Variants in ERICH3 observed in about 807,000 individuals in gnomAD.
ERICH3 encodes the protein glutamate rich 3.
ERICH3 carries 126 observed loss-of-function variants against 131.1 expected under a neutral mutation model. That is an observed-to-expected ratio of 0.96 (90% CI 0.83 to 1.11). The LOEUF (loss-of-function observed/expected upper bound fraction) is 1.11, where lower values mean the gene tolerates loss of function less well. ERICH3 is among the 50% of genes most tolerant of loss of function. ERICH3 has a pLI of 0.00. For synonymous variants in ERICH3, 695 were observed against 644.6 expected (o/e 1.08, Z -1.18); for missense variants, 2,050 against 1,810.7 (o/e 1.13, Z -2.40).
rs1435566523 is a variant in ERICH3, at chr1:74,569,156, G to A, written c.*1302C>T. 1 of 152,134 alleles carries A rather than the reference G, an allele frequency of 6.6e-6. No homozygotes were observed. The highest frequency in any genetic ancestry group is 1.5e-5 in the Non-Finnish European group (1 of 68,012). 9.4% of individuals were successfully genotyped at this position (152,134 alleles called of 1,614,324 possible). ...TTTAGAACAGCGGTTCTCAACCTTG[G>A]CTACAGAGAAGAATCAAGTGAAAAG... is the stretch of plus-strand genomic sequence containing the variant. On this transcript the variant is annotated 3_prime_UTR_variant, in exon 15 of 15. Transcript: ENST00000326665.
Position 74,571,484 on chromosome 1 carries a change from GC to G in ERICH3, c.4225del (p.Ala1409HisfsTer13). 2.5e-6 allele frequency: 4 copies of G among 1,614,026 alleles called. No individual in the cohort carries two copies. Among genetic ancestry groups the G allele is most frequent in the Non-Finnish European group, 3.4e-6 (4 of 1,179,994 alleles). On this transcript the variant is annotated frameshift_variant, in exon 14 of 15. Transcript: ENST00000326665. LOFTEE classifies it high-confidence loss of function. Reference sequence around the variant, plus strand: ...TGCTGGCACTTCCTCCCCACTCCGTGCTAATTCCTCTACCACCACCTTCCCT... The same window carrying G: ...TGCTGGCACTTCCTCCCCACTCCGTGTAATTCCTCTACCACCACCTTCCCT... Reference protein sequence around the residue: ...AAGKVVVEELARSGEEVPAAE... With the variant: ...AAGKVVVEELXRSGEEVPAAE...
chr1:74,638,447 T>A (rs1159490967), intron 5 of ERICH3, among the ~76,000 whole-genome samples: 1 of 152,118 alleles, frequency 6.6e-6, no homozygotes, highest in Non-Finnish European at 1.5e-5. Flanking sequence ...CAACTTAAAG[T>A]TCCACAGAAG....
At chr1:74,573,897 T>C (rs916078935) in intron 13 of ERICH3, among the ~76,000 whole-genome samples, 3 of 151,862 alleles carry the variant, frequency 2.0e-5, no homozygotes, top group Admixed American at 2.0e-4. Flanking sequence ...CAAGCTTCCT[T>C]TCTTAGAAAT....
chr1:74,596,580 CCTGT>C (rs1336482554), intron 11 of ERICH3, among the ~76,000 whole-genome samples: 2 of 152,032 alleles, frequency 1.3e-5, no homozygotes, highest in Non-Finnish European at 2.9e-5. Flanking sequence ...ACTTATTCTT[CCTGT>C]CTAACTGTAA....
intron 11 of ERICH3, chr1:74,592,159 T>A (rs1647638164): frequency 6.6e-6 from 1 of 152,222 alleles, no homozygotes; most frequent in African/African-American, 2.4e-5. Flanking sequence ...ACAGAGCCCC[T>A]GAAGTCTAAT....
intron 4 of ERICH3, among the ~76,000 whole-genome samples, chr1:74,642,192 T>C (rs1040119209): frequency 1.3e-5 from 2 of 152,186 alleles, no homozygotes; most frequent in African/African-American, 4.8e-5. Flanking sequence ...CTTCTGTCAT[T>C]TGAAAACATT....
At chr1:74,615,459 G>C (rs1202744450) in intron 8 of ERICH3, among the ~76,000 whole-genome samples, 2 of 152,098 alleles carry the variant, frequency 1.3e-5, no homozygotes, top group Non-Finnish European at 2.9e-5. Flanking sequence ...TATAATTATA[G>C]TATTTGTACA....
chr1:74,609,431 A>G (rs1442272237), intron 9 of ERICH3, among the ~76,000 whole-genome samples: 2 of 152,104 alleles, frequency 1.3e-5, no homozygotes, highest in East Asian at 1.9e-4. Flanking sequence ...ATTGTTTAAC[A>G]TAACTAAAAG....
At chr1:74,631,949 A>C (rs1259143131) in intron 6 of ERICH3, 21 bp from the exon 7 acceptor site, 1 of 1,593,808 alleles carries the variant, frequency 6.3e-7, no homozygotes, top group African/African-American at 1.3e-5. Context: ...ATTTCATCGC[A>C]TAAGAACCAG....
chr1:74,607,256 G>A (rs1315933519), intron 9 of ERICH3, among the ~76,000 whole-genome samples: 1 of 151,878 alleles, frequency 6.6e-6, no homozygotes, highest in Non-Finnish European at 1.5e-5. Flanking sequence ...CAGAAATATA[G>A]GTGGGTATAT....
Position 74,589,711 on chromosome 1 carries a change from T to C in ERICH3, c.2096A>G (p.Lys699Arg). ...TTCTTCCCAAAGCTTACTCTTATCC[T>C]TTTCCTTTTCTTCTGCAGAAACATG... is the stretch of plus-strand genomic sequence containing the variant. ...GKHVSAEEKE[K>R]DKSKLWEEST... is the part of the protein sequence containing the mutation. Residue 699 changes from lysine (K) to arginine (R), a missense_variant, in exon 12 of 15, where the codon AAG becomes AGG. By Grantham distance (26) the Lys-to-Arg change is conservative. Transcript: ENST00000326665. 3.1e-6 allele frequency: 5 copies of C among 1,614,084 alleles called. No individual in the cohort carries two copies. The highest frequency in any genetic ancestry group is 4.2e-6 in the Non-Finnish European group (5 of 1,179,960).
chr1:74,585,314 T>C (rs1269057054), intron 12 of ERICH3, among the ~76,000 whole-genome samples: 2 of 152,242 alleles, frequency 1.3e-5, no homozygotes, highest in African/African-American at 2.4e-5. Flanking sequence ...CTAGCAATTA[T>C]AATCTTTTAC....
intron 1 of ERICH3, among the ~76,000 whole-genome samples, chr1:74,658,590 ATAT>A (rs4036509): frequency 0.013 from 1,919 of 152,290 alleles, 32 homozygotes; most frequent in African/African-American, 0.043. Context: ...ATTATTGAGC[ATAT>A]TATACAAAGA....
intron 1 of ERICH3, among the ~76,000 whole-genome samples, chr1:74,659,041 C>T (rs573665447): frequency 6.6e-6 from 1 of 152,150 alleles, no homozygotes; most frequent in South Asian, 2.1e-4. Flanking sequence ...GAAAATATAA[C>T]ATGGTTTAGA....
intron 11 of ERICH3, among the ~76,000 whole-genome samples, chr1:74,592,759 A>C (rs1358082228): frequency 6.6e-6 from 1 of 152,138 alleles, no homozygotes; most frequent in African/African-American, 2.4e-5. Flanking sequence ...AACTCATTTC[A>C]GTTTTCAAAT....
At position 74,605,844 on chromosome 1, in the gene ERICH3, C is replaced by G. The variant is rs151231949; in HGVS notation, c.1489+757G>C. On this transcript the variant is annotated intron_variant, in intron 10 of 14. Transcript: ENST00000326665. ...GAAACAGAGATGAAGTGAGCACATG[C>G]TGTTGGAAAAATGATGCTGATAGAC... 3.8e-3 allele frequency among the ~76,000 whole-genome samples: 584 copies of G among 151,908 alleles called. 1 individual carries two copies. The highest frequency in any genetic ancestry group is 0.013 in the African/African-American group (553 of 41,472).
intron 1 of ERICH3, among the ~76,000 whole-genome samples, chr1:74,656,921 C>T (rs1414607450): frequency 1.3e-5 from 2 of 152,164 alleles, no homozygotes; most frequent in Admixed American, 6.6e-5. Context: ...GTAAAATTCT[C>T]TTCTTGTACA....
chr1:74,590,222 T>A, intron 11 of ERICH3, 142 bp from the exon 12 acceptor site: 1 of 757,356 alleles, frequency 1.3e-6, no homozygotes, highest in Non-Finnish European at 2.0e-6. Context: ...CCATATAGTC[T>A]ACTCAGTGGT....
intron 1 of ERICH3, among the ~76,000 whole-genome samples, chr1:74,662,567 A>C (rs1248925194): frequency 6.6e-6 from 1 of 152,204 alleles, no homozygotes; most frequent in Admixed American, 6.5e-5. Flanking sequence ...TTTTGTTAAA[A>C]AAAAGGAAAA....
Sources: allele counts gnomAD v4.1 joint callset (sites outside exome capture counted in the v4.1 genomes callset), GRCh38; gene constraint gnomAD v4.1.1; transcripts MANE v1.5; gene names NCBI Gene and HGNC (gene_info 2026-07-23, HGNC 2026-07-21).